ZC3H18: variants seen among roughly 807,000 people sequenced by gnomAD.
ZC3H18 encodes the protein zinc finger CCCH-type containing 18, also known as zinc finger CCCH domain-containing protein 18.
ZC3H18 carries 8 observed loss-of-function variants against 106.1 expected under a neutral mutation model. The ratio of observed to expected loss-of-function variants is 0.08; its 90% CI spans 0.04 to 0.14. The LOEUF (loss-of-function observed/expected upper bound fraction) is 0.14, where lower values mean the gene tolerates loss of function less well. ZC3H18 is among the 10% of genes least tolerant of loss of function. ZC3H18 has a pLI of 1.00. For missense variants in ZC3H18, 1,318 were observed against 1,278.4 expected, an observed-to-expected ratio of 1.03 and a Z score of -0.47; for synonymous variants, 635 against 522.1, an observed-to-expected ratio of 1.22 and a Z score of -2.95.
At chr16:88,611,084 C>T (rs1308335560) in intron 7 of ZC3H18, among the ~76,000 whole-genome samples, 184 bp from the exon 8 acceptor site, 1 of 152,242 alleles carries the variant, frequency 6.6e-6, no homozygotes, top group Non-Finnish European at 1.5e-5. Context: ...GCCATCTCCT[C>T]TGTACTCCAC....
chr16:88,621,485 A>G (rs1310683800), intron 8 of ZC3H18, among the ~76,000 whole-genome samples: 1 of 152,052 alleles, frequency 6.6e-6, no homozygotes, highest in East Asian at 1.9e-4. Flanking sequence ...CGGCCTCCCA[A>G]AGTGCTGGGA....
chr16:88,597,022 G>A (rs990092193), intron 3 of ZC3H18, among the ~76,000 whole-genome samples: 1 of 152,192 alleles, frequency 6.6e-6, no homozygotes, highest in African/African-American at 2.4e-5. Flanking sequence ...CTGGGTTCAC[G>A]CCATTCTCCT....
chr16:88,584,934 C>T (rs912591901), intron 2 of ZC3H18, among the ~76,000 whole-genome samples: 5 of 152,190 alleles, frequency 3.3e-5, no homozygotes, highest in African/African-American at 9.7e-5. Context: ...GGAATGGATT[C>T]GAACTTTCCA....
rs185939756 is a variant in ZC3H18 at position 88,596,952 on chromosome 16, G to A, written c.689-1226G>A. Among the ~76,000 whole-genome samples the A allele has an allele frequency of 6.2e-3, 936 of 152,178 alleles. 3 individuals carry two copies. The highest frequency in any genetic ancestry group is 0.01 in the Middle Eastern group (3 of 294). On this transcript the variant is annotated intron_variant, in intron 3 of 17. Coordinates refer to ENST00000301011, the MANE Select transcript of ZC3H18 (RefSeq NM_144604.4). The stretch of plus-strand genomic sequence containing the variant: ...TTGTTGTTGTTTTTGAGAGAGACTC[G>A]CTCTGTTGCCCAGGCTGGAGTGCAG...
intron 17 of ZC3H18, among the ~76,000 whole-genome samples, 183 bp downstream of exon 17, chr16:88,630,764 C>CCCA (rs1906630298): frequency 9.0e-6 from 1 of 110,840 alleles, no homozygotes. Flanking sequence ...CCACCCCCCC[C>CCCA]CACACACACA....
chr16:88,608,839 C>A, intron 6 of ZC3H18, 95 bp from the exon 7 acceptor site: 2 of 1,054,694 alleles, frequency 1.9e-6, no homozygotes, highest in South Asian at 1.5e-5. Flanking sequence ...CCCACTGCGT[C>A]ACGGTCTGTT....
chr16:88,611,127 G>C (rs1905248897), intron 7 of ZC3H18, 141 bp from the exon 8 acceptor site: 2 of 677,644 alleles, frequency 3.0e-6, no homozygotes, highest in Admixed American at 2.3e-5. Context: ...GGGAGCACTT[G>C]GCGTTTTGTG....
chr16:88,588,868 CAGTG>C (rs372327928), intron 3 of ZC3H18, among the ~76,000 whole-genome samples: 218 of 151,658 alleles, frequency 1.4e-3, no homozygotes, highest in African/African-American at 5.1e-3. Flanking sequence ...GCCTGGGCGA[CAGTG>C]AGACTCAGTC....
intron 6 of ZC3H18, among the ~76,000 whole-genome samples, chr16:88,607,950 C>A (rs1905089752): frequency 6.6e-6 from 1 of 152,242 alleles, no homozygotes; most frequent in African/African-American, 2.4e-5. Context: ...GTACTTTTTT[C>A]TTCTTTCTTG....
At chr16:88,580,156 CTGTGTGTGTGTGTGTG>C (rs56406234) in intron 2 of ZC3H18, among the ~76,000 whole-genome samples, 14 of 126,962 alleles carry the variant, frequency 1.1e-4, no homozygotes, top group Middle Eastern at 3.9e-3. Flanking sequence ...ACAGGTTCAT[CTGTGTGTGTGTGTGTG>C]TGTGTGTGTG....
intron 2 of ZC3H18, among the ~76,000 whole-genome samples, chr16:88,581,217 G>C (rs1915109335): frequency 6.6e-6 from 1 of 152,176 alleles, no homozygotes; most frequent in African/African-American, 2.4e-5. Flanking sequence ...GCCCAGGCTG[G>C]TCTTGAACTC....
At chr16:88,606,308 G>T (rs1046437447) in intron 6 of ZC3H18, among the ~76,000 whole-genome samples, 1 of 152,230 alleles carries the variant, frequency 6.6e-6, no homozygotes, top group Non-Finnish European at 1.5e-5. Flanking sequence ...GTTCCTGGTG[G>T]CGTGTTGTGT....
chr16:88,626,097 A>G (rs1430480326), intron 13 of ZC3H18: 2 of 152,044 alleles, frequency 1.3e-5, no homozygotes, highest in Non-Finnish European at 2.9e-5. Flanking sequence ...TGCTGGGATT[A>G]CATGCGTGAG....
intron 2 of ZC3H18, 68 bp downstream of exon 2, chr16:88,577,794 A>G (rs1020951083): frequency 6.2e-7 from 1 of 1,608,976 alleles, no homozygotes; most frequent in Non-Finnish European, 8.5e-7. Flanking sequence ...TGGTGCTGGA[A>G]AGGAGGGACT....
intron 8 of ZC3H18, among the ~76,000 whole-genome samples, chr16:88,618,887 G>GCA (rs1286704323): frequency 6.6e-6 from 1 of 152,158 alleles, no homozygotes; most frequent in African/African-American, 2.4e-5. Flanking sequence ...AGCGTTCTCA[G>GCA]CCCACACTGG....
intron 8 of ZC3H18, among the ~76,000 whole-genome samples, chr16:88,618,216 A>G (rs1362618558): frequency 6.6e-6 from 1 of 151,252 alleles, no homozygotes; most frequent in African/African-American, 2.4e-5. Flanking sequence ...GTGTAAAGAC[A>G]TGGGGCGGGC....
chr16:88,631,276 G>T lies in ZC3H18; in HGVS notation c.2839G>T (p.Ala947Ser), dbSNP rs765634968. 5 of 1,595,708 alleles carry T rather than the reference G, an allele frequency of 3.1e-6. No individual in the cohort carries two copies. The highest frequency in any genetic ancestry group is 3.4e-6 in the Non-Finnish European group (4 of 1,171,614). Residue 947 changes from alanine (A) to serine (S), a missense_variant, in exon 18 of 18, where the codon GCC becomes TCC. Coordinates refer to ENST00000301011, the MANE Select transcript of ZC3H18 (RefSeq NM_144604.4). ...AVEDAIARKRAKIPGKA is the reference protein window; with the variant it reads ...AVEDAIARKRSKIPGKA ...GGAGGATGCTATTGCACGCAAGCGG[G>T]CCAAGATCCCCGGGAAAGCATAGGC...
chr16:88,587,047 A>G (rs1012642721), intron 3 of ZC3H18, among the ~76,000 whole-genome samples: 2 of 152,206 alleles, frequency 1.3e-5, no homozygotes, highest in African/African-American at 4.8e-5. Context: ...AGACACCAGA[A>G]TTAGCATTTT....
At chr16:88,593,631 G>A (rs1904309173) in intron 3 of ZC3H18, among the ~76,000 whole-genome samples, 1 of 152,224 alleles carries the variant, frequency 6.6e-6, no homozygotes, top group Non-Finnish European at 1.5e-5. Context: ...TCAAGGGGCA[G>A]CACGTGCAAG....
Sources: gnomAD v4.1 joint callset for allele counts (sites outside exome capture counted in the v4.1 genomes callset) on GRCh38, gnomAD v4.1.1 for gene constraint, MANE v1.5 for transcripts, NCBI Gene and HGNC (gene_info 2026-07-23, HGNC 2026-07-21) for gene names.